ZNF365: variants seen among roughly 807,000 people sequenced by gnomAD.
ZNF365 encodes zinc finger protein 365, also known as protein ZNF365.
A neutral mutation model predicts 35.0 loss-of-function variants in ZNF365; 22 were observed. The observed-to-expected ratio is 0.63, with a 90% CI of 0.45 to 0.90. The LOEUF (loss-of-function observed/expected upper bound fraction) is 0.90, where lower values mean the gene tolerates loss of function less well. Among genes scored for constraint, ZNF365 ranks in the 40% least tolerant of loss-of-function variants. ZNF365 has a pLI of 0.00. For synonymous variants in ZNF365, 188 were observed against 196.2 expected, an observed-to-expected ratio of 0.96 and a Z score of 0.35; for missense variants, 448 against 500.3, an observed-to-expected ratio of 0.90 and a Z score of 1.00.
chr10:62,478,731 AC>A (rs1841173025), intron 4 of ZNF365, among the ~76,000 whole-genome samples: 1 of 151,966 alleles, frequency 6.6e-6, no homozygotes, highest in Non-Finnish European at 1.5e-5. Context: ...CTGCCACTAC[AC>A]CCGGCTAATT....
Position 62,400,146 on chromosome 10 carries a change from C to T in ZNF365, c.*357C>T, listed in dbSNP as rs1839802375. ...ACCAAGGCCACACAAAATGTCAGGC[C>T]TAGGGAGAAAATTCATCTGTGCCCA... On this transcript the variant is annotated 3_prime_UTR_variant, in exon 5 of 5. Transcript: ENST00000395254. 1.9e-6 allele frequency: 2 copies of T among 1,030,606 alleles called. No homozygotes were observed. The highest frequency in any genetic ancestry group is 8.2e-5 in the South Asian group (2 of 24,532). The allele number at this position is 1,030,606 out of a possible 1,614,324, so 63.8% of individuals were successfully genotyped here.
At chr10:62,388,011 T>C (rs1839552492) in intron 2 of ZNF365, among the ~76,000 whole-genome samples, 1 of 152,228 alleles carries the variant, frequency 6.6e-6, no homozygotes, top group Admixed American at 6.5e-5. Flanking sequence ...TGGTTTGCTC[T>C]TCCTAAACAC....
At chr10:62,375,987 G>A in intron 1 of ZNF365, 194 bp from the exon 2 acceptor site, 1 of 573,330 alleles carries the variant, frequency 1.7e-6, no homozygotes, top group South Asian at 2.4e-5. Flanking sequence ...AATTGATACG[G>A]CAGCAGTAAA....
chr10:62,402,576 G>A, downstream of ZNF365: 1 of 526,892 alleles, frequency 1.9e-6, no homozygotes, highest in African/African-American at 2.1e-5. Context: ...CCAGGATCTT[G>A]TGTACCTATA....
chr10:62,384,122 TA>T (rs547364711), intron 2 of ZNF365, among the ~76,000 whole-genome samples: 15 of 137,840 alleles, frequency 1.1e-4, no homozygotes, highest in African/African-American at 3.6e-4. Context: ...TTTTTTTTTT[TA>T]AATAAAGAAG....
intron 2 of ZNF365, among the ~76,000 whole-genome samples, chr10:62,384,372 T>C (rs888722245): frequency 6.6e-6 from 1 of 152,242 alleles, no homozygotes; most frequent in Non-Finnish European, 1.5e-5. Context: ...TTTAACTAGC[T>C]TTGTAATTAC....
At chr10:62,423,836 CATG>C (rs746239530) in intron 3 of ZNF365, among the ~76,000 whole-genome samples, 24 of 151,928 alleles carry the variant, frequency 1.6e-4, no homozygotes, top group Non-Finnish European at 3.1e-4. Context: ...TAATAATAAG[CATG>C]ATATTTGGCA....
intron 3 of ZNF365, among the ~76,000 whole-genome samples, chr10:62,427,199 A>G (rs1840263518): frequency 2.6e-5 from 4 of 152,212 alleles, no homozygotes. Context: ...TACTCCTTCT[A>G]CAGTCACATG....
intron 4 of ZNF365, among the ~76,000 whole-genome samples, chr10:62,464,918 T>C (rs1272788117): frequency 6.6e-6 from 1 of 152,224 alleles, no homozygotes; most frequent in Non-Finnish European, 1.5e-5. Flanking sequence ...GCCAGAGCTG[T>C]GCACTCTGCA....
chr10:62,471,813 C>A (rs1841043740), intron 4 of ZNF365, among the ~76,000 whole-genome samples: 1 of 152,166 alleles, frequency 6.6e-6, no homozygotes, highest in African/African-American at 2.4e-5. Flanking sequence ...ATAACTTGAA[C>A]ATGATTTTTA....
At position 62,400,085 on chromosome 10, in the gene ZNF365, A is replaced by T; in HGVS notation, c.*296A>T. The stretch of plus-strand genomic sequence containing the variant: ...TGGCCCAGTCTCCAGTAATCTTGGC[A>T]TCTGGGCTTCTATGCAGTGGTCACT... On this transcript the variant is annotated 3_prime_UTR_variant, in exon 5 of 5. Coordinates refer to ENST00000395254, the MANE Select transcript of ZNF365 (RefSeq NM_014951.3). 3.5e-6 allele frequency: 4 copies of T among 1,136,496 alleles called. No homozygotes were observed. The South Asian group carries it at 1.2e-4, about 35-fold the overall frequency. 70.4% of individuals were successfully genotyped at this position (1,136,496 alleles called of 1,614,324 possible).
At chr10:62,462,972 C>T (rs149395452) in intron 4 of ZNF365, among the ~76,000 whole-genome samples, 5 of 152,206 alleles carry the variant, frequency 3.3e-5, no homozygotes, top group Non-Finnish European at 7.4e-5. Flanking sequence ...AGTGGGAAGC[C>T]GTAAAGGTTG....
intron 3 of ZNF365, among the ~76,000 whole-genome samples, chr10:62,456,758 G>A (rs1368217150): frequency 6.6e-6 from 1 of 152,156 alleles, no homozygotes; most frequent in Non-Finnish European, 1.5e-5. Context: ...AGACTAGCAG[G>A]AAAGTAAGCA....
At chr10:62,432,424 A>T (rs1053970026) in intron 3 of ZNF365, among the ~76,000 whole-genome samples, 2 of 152,200 alleles carry the variant, frequency 1.3e-5, no homozygotes, top group Non-Finnish European at 2.9e-5. Context: ...GAATGACAGC[A>T]GGTCAGGGCT....
At chr10:62,475,246 G>A (rs1841109944) in intron 4 of ZNF365, among the ~76,000 whole-genome samples, 2 of 152,094 alleles carry the variant, frequency 1.3e-5, no homozygotes, top group Non-Finnish European at 2.9e-5. Context: ...CTTGTAATTG[G>A]GATGACTCAA....
In ZNF365 at chr10:62,457,075, C is replaced by A. The variant is rs191595114; in HGVS notation, c.925-2666C>A. Among the ~76,000 whole-genome samples, 81 of 152,260 alleles carry A rather than the reference C, an allele frequency of 5.3e-4. 2 individuals are homozygous for A. In the East Asian group the frequency reaches 0.015, roughly 28 times the overall value. ...ACGCTTCTGGGCTAGTGTAGCTCAG[C>A]CCTGTTCCATATGTCTCTTATCTTC... On this transcript the variant is annotated intron_variant, in intron 3 of 4. Transcript: ENST00000395255.
chr10:62,459,508 T>C (rs1365190866), intron 3 of ZNF365, among the ~76,000 whole-genome samples: 1 of 152,184 alleles, frequency 6.6e-6, no homozygotes, highest in Non-Finnish European at 1.5e-5. Context: ...TGAAGAGTGG[T>C]GTATGATTTT....
In ZNF365 at chr10:62,402,266, GCTTTTTCC is replaced by G. The variant is rs1409781630; in HGVS notation, c.*2487_*2494del. The stretch of plus-strand genomic sequence containing the variant: ...AATCTTCCTTTGAACCGCTTTTCTT[GCTTTTTCC>G]CTTTTTCCCAAACTAGGTTACAGGT... On this transcript the variant is annotated 3_prime_UTR_variant, in exon 5 of 5. Coordinates refer to ENST00000395254, the MANE Select transcript of ZNF365 (RefSeq NM_014951.3). 2.3e-5 allele frequency: 23 copies of G among 985,586 alleles called. No individual in the cohort carries two copies. Among genetic ancestry groups the G allele is most frequent in the Non-Finnish European group, 2.8e-5 (23 of 829,898 alleles). The allele number at this position is 985,586 out of a possible 1,614,324, so 61.1% of individuals were successfully genotyped here.
intron 3 of ZNF365, among the ~76,000 whole-genome samples, chr10:62,397,481 A>G (rs1353616263): frequency 6.6e-6 from 1 of 152,186 alleles, no homozygotes; most frequent in Non-Finnish European, 1.5e-5. Flanking sequence ...TGCTAATGTG[A>G]CACCACTTAT....
Sources: gnomAD v4.1 joint callset for allele counts (sites outside exome capture counted in the v4.1 genomes callset) on GRCh38, gnomAD v4.1.1 for gene constraint, MANE v1.5 for transcripts, NCBI Gene and HGNC (gene_info 2026-07-23, HGNC 2026-07-21) for gene names.